The following TTN variants were observed in gnomAD, a reference collection of about 807,000 sequenced individuals.
TTN encodes titin.
Under a neutral mutation model 3,223.0 loss-of-function variants are expected in TTN, and 1,525 were observed. The ratio of observed to expected loss-of-function variants is 0.47; its 90% CI spans 0.45 to 0.49. The LOEUF (loss-of-function observed/expected upper bound fraction) is 0.49, where lower values mean the gene tolerates loss of function less well. TTN is among the 20% of genes least tolerant of loss of function. The pLI, the probability that TTN is intolerant of heterozygous loss-of-function variation, is 0.00. For missense variants in TTN, 40,786 were observed against 43,424.0 expected (o/e 0.94, Z 5.40); for synonymous variants, 14,094 against 15,161.0 (o/e 0.93, Z 5.17).
rs771560830 is a variant in TTN at position 178,604,079 on chromosome 2, A to G, written c.54608T>C (p.Leu18203Pro). 3 of 1,612,804 alleles carry G rather than the reference A, an allele frequency of 1.9e-6. No individual in the cohort carries two copies. The highest frequency in any genetic ancestry group is 2.5e-6 in the Non-Finnish European group (3 of 1,179,148). ...AGGACTTCCCTCTTCTCTTTTCTCC[A>G]GCCAGTAGCCAGTAATTGGAGAGCC... ...NGGSPITGYW[L>P]EKREEGSPYW... Residue 18203 changes from leucine (L) to proline (P), a missense_variant, in exon 282 of 363, where the codon CTG (leucine) becomes CCG (proline). Physicochemically the swap from Leu to Pro is moderately conservative, Grantham distance 98. Coordinates refer to ENST00000589042, the MANE Select transcript of TTN (RefSeq NM_001267550.2).
chr2:178,575,710 T>C lies in TTN; in HGVS notation c.70422A>G (p.Lys23474=), dbSNP rs533323272. 2.5e-6 allele frequency: 4 copies of C among 1,613,532 alleles called. No homozygotes were observed. The Admixed American group carries it at 6.7e-5, about 27-fold the overall frequency. ...GSRITNYIVE[K]REATRKSYST... Reference sequence around the variant, plus strand: ...AATAAGATTTCCGTGTTGCTTCACGTTTCTCTACAATGTAGTTTGTTATAC... The same window carrying C: ...AATAAGATTTCCGTGTTGCTTCACGCTTCTCTACAATGTAGTTTGTTATAC... Residue 23474 remains lysine (K), a synonymous_variant, in exon 326 of 363, where the codon AAA becomes AAG. Transcript: ENST00000589042. This position sits in a 1 kb window ranked among gnomAD's most constrained non-coding sequence, Gnocchi z 4.0.
Position 178,582,166 on chromosome 2 carries a change from G to A in TTN, c.66203C>T (p.Thr22068Ile). Residue 22068 changes from threonine to isoleucine, a missense_variant, in exon 315 of 363, where the codon ACC becomes ATC. Thr to Ile is a moderately conservative substitution (Grantham distance 89). Transcript: ENST00000589042. ...CCAGCTGACTGTCATGTGATCTTTG[G>A]TTATGTTGCTAATAACAGGAGGATC... The part of the protein sequence containing the change: ...RCDPPVISNI[T>I]KDHMTVSWKP... The A allele has an allele frequency of 6.2e-7, 1 of 1,612,658 alleles. No individual in the cohort carries two copies. Among genetic ancestry groups the A allele is most frequent in the Non-Finnish European group, 8.5e-7 (1 of 1,179,446 alleles).
intron 149 of TTN, 57 bp downstream of exon 149, chr2:178,675,614 T>C: frequency 7.8e-7 from 1 of 1,287,700 alleles, no homozygotes. Flanking sequence ...CCTGTGTGGA[T>C]AGAACCACAG....
In TTN at chr2:178,726,020, GA is replaced by G; in HGVS notation, c.20301del (p.Pro6768LeufsTer2). 1.3e-6 allele frequency: 2 copies of G among 1,540,624 alleles called. No homozygotes were observed. Reference protein sequence around the residue: ...VKEPPVFSSFPPIVETLKNAE... With the variant: ...VKEPPVFSSFXPIVETLKNAE... ...GCATTTTTAAGGGTTTCTACTATAG[GA>G]GGGAAGCTGCTAAAAACAGGTGGCT... On this transcript the variant is annotated frameshift_variant, in exon 70 of 363. Coordinates refer to ENST00000589042, the MANE Select transcript of TTN (RefSeq NM_001267550.2). LOFTEE classifies it high-confidence loss of function.
chr2:178,703,966 T>C (rs2075429783), intron 106 of TTN, among the ~76,000 whole-genome samples, 181 bp downstream of exon 106: 1 of 152,210 alleles, frequency 6.6e-6, no homozygotes. Flanking sequence ...TGACACTCAT[T>C]TGAATATTTC....
At position 178,552,118 on chromosome 2, in the gene TTN, C is replaced by G; in HGVS notation, c.90782G>C (p.Ser30261Thr). 3 of 1,613,754 alleles carry G rather than the reference C, an allele frequency of 1.9e-6. No individual in the cohort carries two copies. The South Asian group carries it at 3.3e-5, about 18-fold the overall frequency. Residue 30261 changes from serine (S) to threonine (T), a missense_variant, in exon 335 of 363, where the codon AGC (serine) becomes ACC (threonine). By Grantham distance (58) the Ser-to-Thr change is moderately conservative. Transcript: ENST00000589042. ...DNGGGEITCYSIEKRETSQTN... is the reference protein window; with the variant it reads ...DNGGGEITCYTIEKRETSQTN... ...TTGTGAAGTTTCCCGCTTCTCGATGCTGTAACAAGTAATTTCTCCTCCTCC... is the reference window on the plus strand; with the variant it reads ...TTGTGAAGTTTCCCGCTTCTCGATGGTGTAACAAGTAATTTCTCCTCCTCC...
chr2:178,613,115 GT>G, intron 264 of TTN, 43 bp from the exon 265 acceptor site: 1 of 1,610,242 alleles, frequency 6.2e-7, no homozygotes, highest in Non-Finnish European at 8.5e-7. Context: ...TCAAAAAGGA[GT>G]TCATATGAAC....
chr2:178,768,289 C>A, intron 38 of TTN, 134 bp from the exon 39 acceptor site: 1 of 1,190,574 alleles, frequency 8.4e-7, no homozygotes, highest in Non-Finnish European at 1.2e-6. Context: ...GTAGCCATCA[C>A]CATAATTTTA....
At chr2:178,586,412 A>G in intron 308 of TTN, 93 bp downstream of exon 308, 1 of 1,466,006 alleles carries the variant, frequency 6.8e-7, no homozygotes, top group Non-Finnish European at 9.3e-7. Flanking sequence ...AAGAATTTCT[A>G]GAGCTAGATT....
intron 167 of TTN, 29 bp downstream of exon 167, chr2:178,664,625 C>A (rs760893413): frequency 6.2e-6 from 10 of 1,610,026 alleles, no homozygotes; most frequent in Non-Finnish European, 5.9e-6. Flanking sequence ...GACATGTTCC[C>A]ACCCCTCTAA....
chr2:178,688,042 T>C, intron 127 of TTN, 69 bp downstream of exon 127: 4 of 1,312,526 alleles, frequency 3.0e-6, no homozygotes, highest in Non-Finnish European at 4.3e-6. Flanking sequence ...CATTGGTCTG[T>C]AGACAATTTG....
chr2:178,741,738 C>A lies in TTN; in HGVS notation c.11495G>T (p.Ser3832Ile). The change falls in exon 48 of 363, where the codon AGC becomes ATC. Residue 3832 changes from serine to isoleucine, a missense_variant. Coordinates refer to ENST00000589042, the MANE Select transcript of TTN (RefSeq NM_001267550.2). ...FIKEVSNADI[S>I]MGDVATLSVT... is the part of the protein sequence containing the mutation. ...AGACAGTGTAGCCACATCCCCCATG[C>A]TTATATCAGCATTTGACACTTCTTT... 1 of 1,613,694 alleles carries A rather than the reference C, an allele frequency of 6.2e-7. No individual in the cohort carries two copies. Among genetic ancestry groups the A allele is most frequent in the Non-Finnish European group, 8.5e-7 (1 of 1,179,744 alleles).
chr2:178,744,901 G>A, intron 47 of TTN: 1 of 985,122 alleles, frequency 1.0e-6, no homozygotes, highest in East Asian at 1.1e-4. Context: ...GGTGAACCCT[G>A]CCCACAAAGA....
chr2:178,564,103 A>G lies in TTN; in HGVS notation c.82029T>C (p.Asp27343=). ...TGAGTTTCAGAATATATTGTCCTCCATCAGTCCGTATACAGTCTTTGACAA... is the reference window on the plus strand; with the variant it reads ...TGAGTTTCAGAATATATTGTCCTCCGTCAGTCCGTATACAGTCTTTGACAA... ...TLVVKDCIRT[D]GGQYILKLSN... Residue 27343 remains aspartate, a synonymous_variant, in exon 326 of 363, where the codon GAT becomes GAC. Transcript: ENST00000589042. 1 of 1,613,756 alleles carries G rather than the reference A, an allele frequency of 6.2e-7. No homozygotes were observed. Among genetic ancestry groups the G allele is most frequent in the Non-Finnish European group, 8.5e-7 (1 of 1,179,726 alleles).
In TTN at chr2:178,767,792, A is replaced by G; in HGVS notation, c.9438T>C (p.Asp3146=). The change falls in exon 40 of 363, where the codon GAT becomes GAC. Residue 3146 remains aspartate (D), a synonymous_variant. Coordinates refer to ENST00000589042, the MANE Select transcript of TTN (RefSeq NM_001267550.2). ...STAKLFVEGR[D]VRIRSIKKEV... The stretch of plus-strand genomic sequence containing the variant: ...CCTTTTTAATACTTCGGATGCGAAC[A>G]TCTCTGCCTTCTACAAAGAGTTTTG... 1.9e-6 allele frequency: 3 copies of G among 1,614,174 alleles called. No homozygotes were observed. The South Asian group carries it at 3.3e-5, about 18-fold the overall frequency.
At chr2:178,645,495 C>A (rs2061797076) in intron 217 of TTN, among the ~76,000 whole-genome samples, 1 of 152,010 alleles carries the variant, frequency 6.6e-6, no homozygotes. Context: ...ACATGCAATT[C>A]TTTAAGAACA....
intron 227 of TTN, 39 bp from the exon 228 acceptor site, chr2:178,635,343 C>T (rs758292904): frequency 6.2e-7 from 1 of 1,610,130 alleles, no homozygotes; most frequent in Non-Finnish European, 8.5e-7. Context: ...ATGCTTTAGA[C>T]AACCCAACGA....
chr2:178,791,168 A>G (rs1019187788), intron 10 of TTN, among the ~76,000 whole-genome samples: 2 of 152,194 alleles, frequency 1.3e-5, no homozygotes, highest in Non-Finnish European at 2.9e-5. Flanking sequence ...CTTGCCAGTC[A>G]CCAGCATTGC....
chr2:178,733,703 T>G lies in TTN; in HGVS notation c.15686A>C (p.Asp5229Ala), dbSNP rs373355675. ...TTTGCCTCCAAAACTAATCTGAACA[T>G]CAGGGATTATCAAGACTGCAACACC... The part of the protein sequence containing the change: ...SNGVAVLIIP[D>A]VQISFGGKYT... The change falls in exon 53 of 363, where the codon GAT becomes GCT. Residue 5229 changes from aspartate (D) to alanine (A), a missense_variant. Asp to Ala is a moderately radical substitution (Grantham distance 126). Transcript: ENST00000589042. 3 of 1,613,756 alleles carry G rather than the reference T, an allele frequency of 1.9e-6. No homozygotes were observed. The African/African-American group carries it at 4.0e-5, about 22-fold the overall frequency.
Sources: allele counts gnomAD v4.1 joint callset (sites outside exome capture counted in the v4.1 genomes callset), GRCh38; gene constraint gnomAD v4.1.1; non-coding constraint Gnocchi (gnomAD v3.1); transcripts MANE v1.5; gene names NCBI Gene and HGNC (gene_info 2026-07-23, HGNC 2026-07-21).